ZNF492: variants seen among roughly 807,000 people sequenced by gnomAD.
The protein encoded by ZNF492 is zinc finger protein 492.
In ZNF492, 3 loss-of-function variants were observed where a neutral mutation model predicts 6.4. That is an observed-to-expected ratio of 0.47 (90% confidence interval 0.21 to 1.22). The LOEUF (loss-of-function observed/expected upper bound fraction) is 1.22, where lower values mean the gene tolerates loss of function less well. ZNF492 is among the 50% of genes most tolerant of loss of function. The pLI is 0.22. For synonymous variants in ZNF492, 112 were observed against 205.3 expected, an observed-to-expected ratio of 0.55 and a Z score of 3.89; for missense variants, 356 against 612.5, an observed-to-expected ratio of 0.58 and a Z score of 4.42.
At chr19:22,649,928 T>G (rs1971922451) in intron 1 of ZNF492, among the ~76,000 whole-genome samples, 1 of 152,240 alleles carries the variant, frequency 6.6e-6, no homozygotes, top group African/African-American at 2.4e-5. Flanking sequence ...TTGCCCATCT[T>G]CTGAAGCCTA....
At chr19:22,640,464 A>T (rs910428747) in intron 1 of ZNF492, among the ~76,000 whole-genome samples, 18 of 152,088 alleles carry the variant, frequency 1.2e-4, no homozygotes, top group African/African-American at 4.3e-4. Context: ...GCCCCACCTC[A>T]TATATGTTGA....
chr19:22,640,255 C>T (rs1471026820), intron 1 of ZNF492, among the ~76,000 whole-genome samples: 7 of 151,944 alleles, frequency 4.6e-5, no homozygotes, highest in Admixed American at 1.3e-4. Context: ...GTCTGCCTCC[C>T]GGGTTCAAGC....
At chr19:22,659,063 A>G (rs1972027365) in intron 3 of ZNF492, among the ~76,000 whole-genome samples, 1 of 151,650 alleles carries the variant, frequency 6.6e-6, no homozygotes, top group South Asian at 2.1e-4. Context: ...AATTTGAAAA[A>G]CATTGCATTA....
At chr19:22,647,406 G>A (rs1030192232) in intron 1 of ZNF492, among the ~76,000 whole-genome samples, 4 of 150,232 alleles carry the variant, frequency 2.7e-5, no homozygotes, top group South Asian at 2.1e-4. Flanking sequence ...ACAGGTGCCC[G>A]CCACTACACC....
intron 1 of ZNF492, among the ~76,000 whole-genome samples, chr19:22,635,199 A>C (rs1309801160): frequency 1.3e-5 from 2 of 152,100 alleles, no homozygotes; most frequent in Non-Finnish European, 2.9e-5. Flanking sequence ...TGATTTTTTA[A>C]AATTAGGAAT....
In ZNF492 at chr19:22,634,349, G is replaced by C; in HGVS notation, c.-219G>C. ...GTCTTTGTCTCTCGCTGCAGTCGGA[G>C]TATGGTCTAGTGTTCGCTGTTCTGC... On this transcript the variant is annotated 5_prime_UTR_variant, in exon 1 of 4. Transcript: ENST00000456783. The C allele has an allele frequency of 9.4e-7, 1 of 1,059,950 alleles. No homozygotes were observed. The highest frequency in any genetic ancestry group is 1.7e-5 in the African/African-American group (1 of 60,472). 65.7% of individuals were successfully genotyped at this position (1,059,950 alleles called of 1,614,324 possible).
At chr19:22,649,715 T>C (rs1971920544) in intron 1 of ZNF492, among the ~76,000 whole-genome samples, 1 of 152,226 alleles carries the variant, frequency 6.6e-6, no homozygotes. Context: ...TATTTTTTCT[T>C]CTACTTTGTC....
chr19:22,651,013 G>T (rs1177572176), intron 1 of ZNF492, among the ~76,000 whole-genome samples: 1 of 152,182 alleles, frequency 6.6e-6, no homozygotes, highest in Non-Finnish European at 1.5e-5. Context: ...ACAGCTCTGG[G>T]GTTGGGATCC....
At chr19:22,660,437 TG>T (rs2145260721) in intron 3 of ZNF492, among the ~76,000 whole-genome samples, 1 of 151,318 alleles carries the variant, frequency 6.6e-6, no homozygotes, top group African/African-American at 2.4e-5. Context: ...GGTGGCACCT[TG>T]GGGGTTGCAT....
At chr19:22,634,572 C>G (rs1004690263) in intron 1 of ZNF492, 98 bp downstream of exon 1, 1 of 1,171,780 alleles carries the variant, frequency 8.5e-7, no homozygotes. Context: ...CCGCAGTCGG[C>G]TCCACAATCT....
rs1972112360 is a variant in ZNF492 at position 22,665,255 on chromosome 19, G to T, written c.1586G>T (p.Gly529Val). The T allele has an allele frequency of 6.4e-7, 1 of 1,565,036 alleles. No individual in the cohort carries two copies. The highest frequency in any genetic ancestry group is 2.0e-5 in the Admixed American group (1 of 51,124). Residue 529 changes from glycine (G) to valine (V), a missense_variant, in exon 4 of 4, where the codon GGT (glycine) becomes GTT (valine). Gly to Val is a moderately radical substitution (Grantham distance 109). Around this residue, in one of 7 missense-constraint regions of ZNF492, gnomAD observed 81 missense variants for 115.4 expected, o/e 0.70. Transcript: ENST00000456783. ...KISKYKRNCA[G>V]EK ...TCCAAATATAAAAGAAATTGTGCTG[G>T]TGAGAAATAATAGAAATATGAATGT...
intron 1 of ZNF492, among the ~76,000 whole-genome samples, chr19:22,647,664 A>G (rs67631531): frequency 0.21 from 27,914 of 133,748 alleles, 3,434 homozygotes; most frequent in African/African-American, 0.39. Flanking sequence ...CATCTTAGCT[A>G]TTTCTTGTCC....
intron 1 of ZNF492, among the ~76,000 whole-genome samples, chr19:22,635,358 T>C (rs984534645): frequency 1.6e-4 from 25 of 152,214 alleles, no homozygotes; most frequent in African/African-American, 5.5e-4. Context: ...AAATACTGAA[T>C]TTTCAGTTCC....
In ZNF492 at chr19:22,664,231, A is replaced by G. The variant is rs371451724; in HGVS notation, c.562A>G (p.Lys188Glu). Residue 188 changes from lysine (K) to glutamate (E), a missense_variant, in exon 4 of 4, where the codon AAA (lysine) becomes GAA (glutamate). This residue lies in a region of ZNF492 where 196 missense variants were observed against 219.4 expected (regional missense o/e 0.89). Coordinates refer to ENST00000456783, the MANE Select transcript of ZNF492 (RefSeq NM_020855.3). ...TGAGACCTCAAACCTTTCTACACAT[A>G]AAAGAATTCATACTGGAAAGAAACC... Reference protein sequence around the residue: ...YNETSNLSTHKRIHTGKKPYK... With the variant: ...YNETSNLSTHERIHTGKKPYK... 5 of 1,612,026 alleles carry G rather than the reference A, an allele frequency of 3.1e-6. No homozygotes were observed. The highest frequency in any genetic ancestry group is 1.7e-4 in the Middle Eastern group (1 of 6,004).
chr19:22,647,727 G>GTTTTTTTTTTTTTTTT lies in ZNF492; in HGVS notation c.-93-5575_-93-5560dup, dbSNP rs71180575. 3.7e-4 allele frequency among the ~76,000 whole-genome samples: 34 copies of GTTTTTTTTTTTTTTTT among 92,570 alleles called. 2 individuals carry two copies. Among genetic ancestry groups the GTTTTTTTTTTTTTTTT allele is most frequent in the Middle Eastern group, 6.1e-3 (1 of 164 alleles). 60.7% of individuals were successfully genotyped at this position (92,570 alleles called of 152,430 possible). A position where few individuals can be genotyped will look rare whatever the true frequency, so the allele number is the denominator to read the frequency against. On this transcript the variant is annotated intron_variant, in intron 1 of 3. Coordinates refer to ENST00000456783, the MANE Select transcript of ZNF492 (RefSeq NM_020855.3). ...TTGCTCTTGCTTTCTAGCTCTTTTAGTTTTTTTTTTTTTTTTTTTTGAGAT... is the reference window on the plus strand; with the variant it reads ...TTGCTCTTGCTTTCTAGCTCTTTTAGTTTTTTTTTTTTTTTTTTTTTTTTTTTTTTTTTTTTGAGAT...
chr19:22,655,168 C>T (rs1400360880), intron 3 of ZNF492, among the ~76,000 whole-genome samples: 2 of 151,696 alleles, frequency 1.3e-5, no homozygotes, highest in African/African-American at 2.4e-5. Context: ...GTGACAGGCG[C>T]CTGTAATTCC....
intron 1 of ZNF492, among the ~76,000 whole-genome samples, chr19:22,651,150 G>T (rs1383439552): frequency 6.6e-6 from 1 of 152,014 alleles, no homozygotes; most frequent in Admixed American, 6.6e-5. Flanking sequence ...GCTGGGGGGT[G>T]GGGGCTCCCC....
At chr19:22,652,325 T>G (rs1971948843) in intron 1 of ZNF492, among the ~76,000 whole-genome samples, 1 of 131,106 alleles carries the variant, frequency 7.6e-6, no homozygotes, top group Admixed American at 7.4e-5. Context: ...CTTCCCGGGT[T>G]CACGCCATTC....
Position 22,664,083 on chromosome 19 carries a change from G to T in ZNF492, c.414G>T (p.Lys138Asn), listed in dbSNP as rs1404633573. The T allele has an allele frequency of 1.9e-6, 3 of 1,604,170 alleles. No individual in the cohort carries two copies. Among genetic ancestry groups the T allele is most frequent in the Non-Finnish European group, 2.6e-6 (3 of 1,174,812 alleles). Residue 138 changes from lysine to asparagine, a missense_variant, in exon 4 of 4, where the codon AAG (lysine) becomes AAT (asparagine). Lys to Asn is a moderately conservative substitution (Grantham distance 94). Coordinates refer to ENST00000456783, the MANE Select transcript of ZNF492 (RefSeq NM_020855.3). ...SNRHTIRHTGKKSFKCKECEK... is the reference protein window; with the variant it reads ...SNRHTIRHTGNKSFKCKECEK... Reference sequence around the variant, plus strand: ...GACATACGATAAGACATACTGGAAAGAAATCTTTCAAATGTAAAGAATGTG... The same window carrying T: ...GACATACGATAAGACATACTGGAAATAAATCTTTCAAATGTAAAGAATGTG...
Sources: gnomAD v4.1 joint callset for allele counts (sites outside exome capture counted in the v4.1 genomes callset) on GRCh38, gnomAD v4.1.1 for gene constraint, gnomAD v4.1.1 regional missense constraint, MANE v1.5 for transcripts, NCBI Gene and HGNC (gene_info 2026-07-23, HGNC 2026-07-21) for gene names.